The following SHROOM2 variants were observed in gnomAD, a reference collection of about 807,000 sequenced individuals.
SHROOM2 encodes protein Shroom2.
SHROOM2 carries 33 observed loss-of-function variants against 75.9 expected under a neutral mutation model. That is an observed-to-expected ratio of 0.43 (90% CI 0.33 to 0.58). The LOEUF (loss-of-function observed/expected upper bound fraction) is 0.58, where lower values mean the gene tolerates loss of function less well. Among genes scored for constraint, SHROOM2 ranks in the 20% least tolerant of loss-of-function variants. The pLI is 0.04. For missense variants in SHROOM2, 1,434 were observed against 1,461.2 expected (o/e 0.98, Z 0.30); for synonymous variants, 655 against 663.6 (o/e 0.99, Z 0.20).
intron 1 of SHROOM2, among the ~76,000 whole-genome samples, chrX:9,848,536 A>C (rs1470440759): frequency 9.7e-6 from 1 of 103,290 alleles, no homozygotes; most frequent in Admixed American, 1.1e-4. Flanking sequence ...AAAAAAGAAA[A>C]GCATGTTCTA....
chrX:9,790,239 T>C (rs1009025399), intron 1 of SHROOM2, among the ~76,000 whole-genome samples: 1 of 111,313 alleles, frequency 9.0e-6, no homozygotes, highest in Non-Finnish European at 1.9e-5. Context: ...CTTATTGGTT[T>C]GGAAAGGGGG....
intron 5 of SHROOM2, among the ~76,000 whole-genome samples, chrX:9,920,914 C>A (rs1246509648): frequency 2.7e-5 from 3 of 112,344 alleles, no homozygotes; most frequent in African/African-American, 9.7e-5. Context: ...AATCGTCCAC[C>A]AATTTGGTGG....
At chrX:9,832,977 T>A (rs1441898061) in intron 1 of SHROOM2, among the ~76,000 whole-genome samples, 1 of 111,592 alleles carries the variant, frequency 9.0e-6, no homozygotes, top group African/African-American at 3.3e-5. Flanking sequence ...TTCCTGTGAC[T>A]GGGCAGTCAC....
At chrX:9,826,379 T>C (rs770335568) in intron 1 of SHROOM2, among the ~76,000 whole-genome samples, 1 of 112,309 alleles carries the variant, frequency 8.9e-6, no homozygotes, top group South Asian at 3.7e-4. Flanking sequence ...GTATTCTAAA[T>C]AACCTTTTTC....
chrX:9,803,106 G>T (rs781664499), intron 1 of SHROOM2, among the ~76,000 whole-genome samples: 184 of 92,974 alleles, frequency 2.0e-3, no homozygotes, highest in African/African-American at 7.1e-3. Flanking sequence ...TTGGTTTTTT[G>T]TTTTTTTTTT....
chrX:9,880,614 C>T (rs764708502), intron 2 of SHROOM2, among the ~76,000 whole-genome samples: 8 of 112,777 alleles, frequency 7.1e-5, no homozygotes, highest in African/African-American at 2.6e-4. Flanking sequence ...CACTAACACC[C>T]ATTGGTTCCA....
chrX:9,945,713 G>A (rs2238888), intron 9 of SHROOM2, among the ~76,000 whole-genome samples: 43,630 of 110,182 alleles, frequency 0.4, 7,922 homozygotes, highest in African/African-American at 0.7. Flanking sequence ...AAGAGGGCAT[G>A]TATCAGTCTA....
At chrX:9,911,665 T>C (rs1601988421) in intron 5 of SHROOM2, among the ~76,000 whole-genome samples, 1 of 111,352 alleles carries the variant, frequency 9.0e-6, no homozygotes, top group South Asian at 3.9e-4. Flanking sequence ...AAATGGTTAA[T>C]TGGGAAAGTC....
In SHROOM2 at chrX:9,812,717, G is replaced by A. The variant is rs1189831795; in HGVS notation, c.165+26007G>A. ...GTGTGATGTCTTAGGGAAGCGAAAA[G>A]CAATCAAGGTCTCTCTGAACAAGAT... On this transcript the variant is annotated intron_variant, in intron 1 of 9. Coordinates refer to ENST00000380913, the MANE Select transcript of SHROOM2 (RefSeq NM_001649.4). Among the ~76,000 whole-genome samples, 3 of 112,236 alleles carry A rather than the reference G, an allele frequency of 2.7e-5. No homozygotes were observed. In the East Asian group the frequency reaches 8.4e-4, roughly 31 times the overall value.
intron 5 of SHROOM2, among the ~76,000 whole-genome samples, chrX:9,920,315 T>C (rs1043370048): frequency 8.9e-6 from 1 of 112,410 alleles, no homozygotes; most frequent in African/African-American, 3.2e-5. Context: ...GTGAAAAGAA[T>C]ACAGGTGAAA....
intron 1 of SHROOM2, among the ~76,000 whole-genome samples, chrX:9,816,732 G>T (rs560359160): frequency 1.9e-4 from 21 of 110,897 alleles, no homozygotes; most frequent in African/African-American, 6.9e-4. Flanking sequence ...TGCTCGGGAC[G>T]GTGTCCCCCC....
intron 1 of SHROOM2, among the ~76,000 whole-genome samples, chrX:9,841,012 A>G (rs760996111): frequency 9.0e-6 from 1 of 111,625 alleles, no homozygotes; most frequent in African/African-American, 3.3e-5. Context: ...TGGGAGTGCA[A>G]TGGCGCGATC....
intron 1 of SHROOM2, among the ~76,000 whole-genome samples, chrX:9,810,225 GT>G (rs200928818): frequency 9.2e-6 from 1 of 108,414 alleles, no homozygotes. Flanking sequence ...CTGGTTGTGT[GT>G]TTTTTTTTGC....
At chrX:9,841,096 C>T (rs758010609) in intron 1 of SHROOM2, among the ~76,000 whole-genome samples, 1 of 111,589 alleles carries the variant, frequency 9.0e-6, no homozygotes, top group East Asian at 2.8e-4. Context: ...ACTGGGATTA[C>T]AGGCATCCGT....
At chrX:9,793,336 C>T (rs1282655136) in intron 1 of SHROOM2, among the ~76,000 whole-genome samples, 1 of 108,678 alleles carries the variant, frequency 9.2e-6, no homozygotes, top group Non-Finnish European at 1.9e-5. Flanking sequence ...GCCACTCAGG[C>T]CAGAGTGCAA....
intron 1 of SHROOM2, among the ~76,000 whole-genome samples, chrX:9,790,620 A>G (rs2083642306): frequency 9.0e-6 from 1 of 110,930 alleles, no homozygotes; most frequent in African/African-American, 3.3e-5. Context: ...GTAAAGCTTT[A>G]CTCACTTTTT....
chrX:9,797,133 C>G (rs2083699062), intron 1 of SHROOM2, among the ~76,000 whole-genome samples: 1 of 112,433 alleles, frequency 8.9e-6, no homozygotes, highest in Non-Finnish European at 1.9e-5. Flanking sequence ...GTTGCCTCCT[C>G]CTCTCAGACA....
Position 9,896,666 on chromosome X carries a change from C to A in SHROOM2, c.2758C>A (p.Arg920=). 1 of 1,194,957 alleles carries A rather than the reference C, an allele frequency of 8.4e-7. No homozygotes were observed. Among genetic ancestry groups the A allele is most frequent in the East Asian group, 3.0e-5 (1 of 33,240 alleles). ...ERPQHVHGRS[R]SSPSTDHYKQ... is the part of the protein sequence containing the mutation. ...GCCGCAGCACGTTCATGGGAGGTCCCGGTCTTCACCGTCCACAGACCACTA... is the reference window on the plus strand; with the variant it reads ...GCCGCAGCACGTTCATGGGAGGTCCAGGTCTTCACCGTCCACAGACCACTA... The change falls in exon 4 of 10, where the codon CGG becomes AGG. Residue 920 remains arginine, a synonymous_variant. Transcript: ENST00000380913.
Position 9,895,665 on chromosome X carries a change from T to C in SHROOM2, c.1757T>C (p.Leu586Pro). The C allele has an allele frequency of 8.5e-7, 1 of 1,173,162 alleles. No homozygotes were observed. Among genetic ancestry groups the C allele is most frequent in the Non-Finnish European group, 1.1e-6 (1 of 879,665 alleles). The change falls in exon 4 of 10, where the codon CTG (leucine) becomes CCG (proline). Residue 586 changes from leucine to proline, a missense_variant. Coordinates refer to ENST00000380913, the MANE Select transcript of SHROOM2 (RefSeq NM_001649.4). ...SSRICPQETPLLHSLTQEGKR... is the reference protein window; with the variant it reads ...SSRICPQETPPLHSLTQEGKR... Reference sequence around the variant, plus strand: ...AGGATCTGCCCGCAGGAGACGCCCCTGTTGCACTCCCTGACCCAGGAGGGG... The same window carrying C: ...AGGATCTGCCCGCAGGAGACGCCCCCGTTGCACTCCCTGACCCAGGAGGGG...
Sources: gnomAD v4.1 joint callset for allele counts (sites outside exome capture counted in the v4.1 genomes callset) on GRCh38, gnomAD v4.1.1 for gene constraint, MANE v1.5 for transcripts, NCBI Gene and HGNC (gene_info 2026-07-23, HGNC 2026-07-21) for gene names.